Variants in RIPK1 observed in about 807,000 individuals in gnomAD.
RIPK1 encodes receptor interacting serine/threonine kinase 1.
A neutral mutation model predicts 62.4 loss-of-function variants in RIPK1; 27 were observed. The ratio of observed to expected loss-of-function variants is 0.43; its 90% confidence interval spans 0.32 to 0.60. The LOEUF is 0.60. Among genes scored for constraint, RIPK1 ranks in the 20% least tolerant of loss-of-function variants. RIPK1 has a pLI of 0.07. For synonymous variants in RIPK1, 287 were observed against 303.2 expected (o/e 0.95, Z 0.55); for missense variants, 735 against 831.0 (o/e 0.88, Z 1.42).
rs1397534738 is a variant in RIPK1, at chr6:3,072,839, G to A, written c.-60-3925G>A. Among the ~76,000 whole-genome samples, 7 of 152,150 alleles carry A rather than the reference G, an allele frequency of 4.6e-5. No individual in the cohort carries two copies. The highest frequency in any genetic ancestry group is 2.6e-4 in the Admixed American group (4 of 15,276). ...GGAATGGGGAAGGCTTCACAGTTCT[G>A]CCTGCTCCAGTGATGTGTAGTGAAT... On this transcript the variant is annotated intron_variant, in intron 1 of 10. Coordinates refer to ENST00000259808, the MANE Select transcript of RIPK1 (RefSeq NM_001354930.2). This position sits in a 1 kb window ranked among gnomAD's most constrained non-coding sequence, Gnocchi z 5.6.
chr6:3,098,590 C>G (rs1042220038), intron 7 of RIPK1, among the ~76,000 whole-genome samples: 1 of 152,214 alleles, frequency 6.6e-6, no homozygotes, highest in Non-Finnish European at 1.5e-5. Context: ...ATTAAAAGCA[C>G]AACCAAATTC....
rs1292467304 is a variant in RIPK1 at position 3,072,887 on chromosome 6, T to C, written c.-60-3877T>C. Among the ~76,000 whole-genome samples the C allele has an allele frequency of 1.4e-5, 2 of 147,096 alleles. No homozygotes were observed. Among genetic ancestry groups the C allele is most frequent in the African/African-American group, 5.5e-5 (2 of 36,458 alleles). On this transcript the variant is annotated intron_variant, in intron 1 of 10. Coordinates refer to ENST00000259808, the MANE Select transcript of RIPK1 (RefSeq NM_001354930.2). This position sits in a 1 kb window ranked among gnomAD's most constrained non-coding sequence, Gnocchi z 5.6. The stretch of plus-strand genomic sequence containing the variant: ...AATGAAAAAGGAGGCCTAAAATCAA[T>C]GTTATCTTTTATGCCCTCTGTCTCC...
chr6:3,087,594 C>T (rs1043179226), intron 6 of RIPK1, among the ~76,000 whole-genome samples: 22 of 150,406 alleles, frequency 1.5e-4, no homozygotes, highest in Non-Finnish European at 2.5e-4. Flanking sequence ...CTCACTCTGT[C>T]GCCCAGGTTG....
intron 7 of RIPK1, among the ~76,000 whole-genome samples, chr6:3,094,775 T>G (rs762516182): frequency 6.6e-6 from 1 of 151,944 alleles, no homozygotes; most frequent in Non-Finnish European, 1.5e-5. Flanking sequence ...TACAATAGAC[T>G]AATTAAGACT....
chr6:3,067,463 T>C (rs1421867194), upstream of RIPK1, among the ~76,000 whole-genome samples: 1 of 152,234 alleles, frequency 6.6e-6, no homozygotes, highest in African/African-American at 2.4e-5. Context: ...TATTTGTTTT[T>C]TTAAATTGCA....
chr6:3,114,846 AAT>A lies in RIPK1; in HGVS notation c.*1509_*1510del, dbSNP rs571403996. On this transcript the variant is annotated 3_prime_UTR_variant, in exon 11 of 11. Coordinates refer to ENST00000259808, the MANE Select transcript of RIPK1 (RefSeq NM_001354930.2). The surrounding 1 kb of genome is among the most constrained non-coding windows in gnomAD (Gnocchi z 5.0). ...CCCAGCCCCCCGCCCCAGTTGTGACAATAGTCTCTAAACATTGTCAAATGGTC... is the reference window on the plus strand; with the variant it reads ...CCCAGCCCCCCGCCCCAGTTGTGACAAGTCTCTAAACATTGTCAAATGGTC... The A allele has an allele frequency of 1.1e-4, 17 of 150,704 alleles. No individual in the cohort carries two copies. In the South Asian group the frequency reaches 2.9e-3, roughly 26 times the overall value. The allele number at this position is 150,704 out of a possible 1,614,324, so 9.3% of individuals were successfully genotyped here. A position where few individuals can be genotyped will look rare whatever the true frequency, so the allele number is the denominator to read the frequency against.
Position 3,113,090 on chromosome 6 carries a change from A to T in RIPK1, c.1767A>T (p.Pro589=), listed in dbSNP as rs532157698. 1.3e-6 allele frequency: 2 copies of T among 1,595,386 alleles called. No individual in the cohort carries two copies. Among genetic ancestry groups the T allele is most frequent in the South Asian group, 2.2e-5 (2 of 88,956 alleles). ...TTSLTDKHLD[P]IRENLGKHWK... ...GTCTGACGGATAAACACCTGGACCC[A>T]ATCAGGGAAAATCTGGGAAAGCACT... The change falls in exon 11 of 11, where the codon CCA becomes CCT. Residue 589 remains proline, a synonymous_variant. Coordinates refer to ENST00000259808, the MANE Select transcript of RIPK1 (RefSeq NM_001354930.2). The surrounding 1 kb of genome is among the most constrained non-coding windows in gnomAD (Gnocchi z 5.0).
intron 7 of RIPK1, among the ~76,000 whole-genome samples, chr6:3,103,601 CT>C (rs1421358968): frequency 6.6e-6 from 1 of 152,172 alleles, no homozygotes; most frequent in Non-Finnish European, 1.5e-5. Context: ...TCTTTTTACT[CT>C]TTTCATAGTA....
chr6:3,099,338 A>G (rs1251509178), intron 7 of RIPK1, among the ~76,000 whole-genome samples: 2 of 152,208 alleles, frequency 1.3e-5, no homozygotes, highest in Admixed American at 1.3e-4. Context: ...AGATCAGGAG[A>G]TCGAGACCAT....
At chr6:3,097,368 TA>T (rs1438236689) in intron 7 of RIPK1, among the ~76,000 whole-genome samples, 1 of 152,118 alleles carries the variant, frequency 6.6e-6, no homozygotes, top group African/African-American at 2.4e-5. Flanking sequence ...AAAGCTATAT[TA>T]AAAAGACAGT....
At chr6:3,067,377 T>C (rs1758427781), upstream of RIPK1, among the ~76,000 whole-genome samples, 1 of 152,190 alleles carries the variant, frequency 6.6e-6, no homozygotes, top group Non-Finnish European at 1.5e-5. Context: ...TGGGAGTTCC[T>C]TGTGCTCCAG....
In RIPK1 at chr6:3,083,428, A is replaced by G. The variant is rs576152075; in HGVS notation, c.688+115A>G. 4.7e-4 allele frequency: 368 copies of G among 777,338 alleles called. 2 individuals are homozygous for G. Among genetic ancestry groups the G allele is most frequent in the Middle Eastern group, 3.7e-3 (10 of 2,692 alleles). 48.2% of individuals were successfully genotyped at this position (777,338 alleles called of 1,614,324 possible). On this transcript the variant is annotated intron_variant, in intron 5 of 10. Coordinates refer to ENST00000259808, the MANE Select transcript of RIPK1 (RefSeq NM_001354930.2). The stretch of plus-strand genomic sequence containing the variant: ...AATGAATGAGTAATCCCATTTAGGA[A>G]TCAGTGATCATAGGATGAATAGGAA...
At chr6:3,090,879 CCGCAGCG>C (rs1760041541) in intron 7 of RIPK1, among the ~76,000 whole-genome samples, 1 of 74,882 alleles carries the variant, frequency 1.3e-5, no homozygotes, top group Non-Finnish European at 2.2e-5. Context: ...CACCTAGTAA[CCGCAGCG>C]CGCCTACCTG....
At chr6:3,087,594 C>A (rs1043179226) in intron 6 of RIPK1, among the ~76,000 whole-genome samples, 1 of 150,302 alleles carries the variant, frequency 6.7e-6, no homozygotes, top group Non-Finnish European at 1.5e-5. Flanking sequence ...CTCACTCTGT[C>A]GCCCAGGTTG....
rs1467486259 is a variant in RIPK1, at chr6:3,072,759, C to T, written c.-60-4005C>T. Reference sequence around the variant, plus strand: ...AAAATGACAGTTCTCTGACACCTAACCAGGCAAGAAGTTGGAAGAATATGG... The same window carrying T: ...AAAATGACAGTTCTCTGACACCTAATCAGGCAAGAAGTTGGAAGAATATGG... On this transcript the variant is annotated intron_variant, in intron 1 of 10. Transcript: ENST00000259808. The surrounding 1 kb of genome is among the most constrained non-coding windows in gnomAD (Gnocchi z 5.6). Among the ~76,000 whole-genome samples the T allele has an allele frequency of 1.3e-5, 2 of 152,106 alleles. No homozygotes were observed. Among genetic ancestry groups the T allele is most frequent in the Non-Finnish European group, 2.9e-5 (2 of 68,008 alleles).
At chr6:3,106,858 G>A (rs1350169852) in intron 9 of RIPK1, among the ~76,000 whole-genome samples, 2 of 152,226 alleles carry the variant, frequency 1.3e-5, no homozygotes, top group African/African-American at 4.8e-5. Context: ...CCTATGAGCA[G>A]AATGTCCTTT....
upstream of RIPK1, among the ~76,000 whole-genome samples, chr6:3,065,095 A>C (rs575778781): frequency 1.5e-4 from 22 of 151,706 alleles, no homozygotes; most frequent in African/African-American, 5.3e-4. Flanking sequence ...AAGAAAAAAA[A>C]GAATACAAAA....
upstream of RIPK1, chr6:3,064,118 AC>A (rs1321868432): frequency 1.3e-5 from 2 of 152,112 alleles, no homozygotes; most frequent in Admixed American, 1.3e-4. Flanking sequence ...CTTCAGGTCC[AC>A]CGGCTGCCAC....
At chr6:3,095,846 CTTTT>C (rs34808064) in intron 7 of RIPK1, among the ~76,000 whole-genome samples, 10 of 137,142 alleles carry the variant, frequency 7.3e-5, no homozygotes, top group Non-Finnish European at 9.6e-5. Context: ...TGTTAACAGC[CTTTT>C]TTTTTTTTTT....
Sources: gnomAD v4.1 joint callset for allele counts (sites outside exome capture counted in the v4.1 genomes callset) on GRCh38, gnomAD v4.1.1 for gene constraint, Gnocchi (gnomAD v3.1) non-coding constraint, MANE v1.5 for transcripts, NCBI Gene and HGNC (gene_info 2026-07-23, HGNC 2026-07-21) for gene names.